Variants in DDB1 observed in about 807,000 individuals in gnomAD.
DDB1 encodes the protein damage specific DNA binding protein 1, also known as DNA damage-binding protein 1.
DDB1 carries 18 observed loss-of-function variants against 133.1 expected under a neutral mutation model. The ratio of observed to expected loss-of-function variants is 0.14; its 90% CI spans 0.09 to 0.20. The LOEUF is 0.20. Ranked by LOEUF, DDB1 falls within the 10% of genes least tolerant of loss-of-function variation. The pLI is 1.00. For synonymous variants in DDB1, 580 were observed against 550.5 expected, an observed-to-expected ratio of 1.05 and a Z score of -0.75; for missense variants, 828 against 1,459.2, an observed-to-expected ratio of 0.57 and a Z score of 7.05.
Position 61,333,024 on chromosome 11 carries a change from C to T in DDB1, c.-56G>A. 7.0e-7 allele frequency: 1 copy of T among 1,430,998 alleles called. No homozygotes were observed. Among genetic ancestry groups the T allele is most frequent in the Non-Finnish European group, 9.3e-7 (1 of 1,075,842 alleles). The allele number at this position is 1,430,998 out of a possible 1,614,324, so 88.6% of individuals were successfully genotyped here. On this transcript the variant is annotated 5_prime_UTR_variant, in exon 1 of 27. It adds an upstream start codon to the 5' untranslated region. Transcript: ENST00000301764. Reference sequence around the variant, plus strand: ...GAGCGCGACACTAGAAAGAGGGACACAAGCGAAAAGACAGGTGGCCCCCAA... The same window carrying T: ...GAGCGCGACACTAGAAAGAGGGACATAAGCGAAAAGACAGGTGGCCCCCAA...
Position 61,302,245 on chromosome 11 carries a change from T to C in DDB1, c.3215+12A>G. 6.2e-7 allele frequency: 1 copy of C among 1,612,124 alleles called. No individual in the cohort carries two copies. Among genetic ancestry groups the C allele is most frequent in the Non-Finnish European group, 8.5e-7 (1 of 1,178,118 alleles). On this transcript the variant is annotated intron_variant, in intron 25 of 26. Coordinates refer to ENST00000301764, the MANE Select transcript of DDB1 (RefSeq NM_001923.5). ...GTGCTTCCCAGCAAGGGGATGGCTC[T>C]GGGAAGGATATAAGGAGTGCTCGAT...
At chr11:61,325,858 C>T (rs1220106725) in intron 5 of DDB1, 150 bp from the exon 6 acceptor site, 2 of 703,782 alleles carry the variant, frequency 2.8e-6, no homozygotes, top group Admixed American at 4.1e-5. Context: ...ACATGATAGC[C>T]TTTACGAGAC....
chr11:61,302,767 A>G lies in DDB1; in HGVS notation c.2943-16T>C. 6.2e-7 allele frequency: 1 copy of G among 1,613,976 alleles called. No homozygotes were observed. Among genetic ancestry groups the G allele is most frequent in the Non-Finnish European group, 8.5e-7 (1 of 1,179,896 alleles). ...GGTGGCAGCGCTGAAAGGCGGTAAG[A>G]AAGTCACTTTCTGAACCTCCTGTTT... On this transcript the variant is annotated splice_polypyrimidine_tract_variant and intron_variant, in intron 23 of 26. Transcript: ENST00000301764.
intron 23 of DDB1, 85 bp from the exon 24 acceptor site, chr11:61,302,836 G>A (rs1281172589): frequency 6.5e-7 from 1 of 1,545,424 alleles, no homozygotes; most frequent in African/African-American, 1.4e-5. Flanking sequence ...TGGTCACGGT[G>A]CTCAATTTCC....
intron 16 of DDB1, among the ~76,000 whole-genome samples, chr11:61,313,083 G>A (rs2134910611): frequency 6.6e-6 from 1 of 152,364 alleles, no homozygotes; most frequent in South Asian, 2.1e-4. Flanking sequence ...AAAGTGCCGG[G>A]ACTACAGGTG....
rs1259040708 is a variant in DDB1, at chr11:61,300,133, T to C, written c.*3A>G. ...GGTCAGCAAAGGGGCCCCCTGCCCT[T>C]GGCTAATGGATCCGAGTTAGCTCCT... On this transcript the variant is annotated 3_prime_UTR_variant, in exon 27 of 27. Transcript: ENST00000301764. The C allele has an allele frequency of 6.2e-7, 1 of 1,614,032 alleles. No homozygotes were observed. Among genetic ancestry groups the C allele is most frequent in the Non-Finnish European group, 8.5e-7 (1 of 1,180,000 alleles).
Position 61,324,145 on chromosome 11 carries a change from T to G in DDB1, c.763-8A>C, listed in dbSNP as rs1226606639. On this transcript the variant is annotated splice_polypyrimidine_tract_variant and splice_region_variant and intron_variant, in intron 6 of 26. Transcript: ENST00000301764. ...GCACACAATCGTGCTTTGCTGCCAATTGGAAGGAAACAGTCATTAGAGATT... is the reference window on the plus strand; with the variant it reads ...GCACACAATCGTGCTTTGCTGCCAAGTGGAAGGAAACAGTCATTAGAGATT... 6.2e-7 allele frequency: 1 copy of G among 1,613,932 alleles called. No individual in the cohort carries two copies. The highest frequency in any genetic ancestry group is 1.7e-4 in the Middle Eastern group (1 of 6,018).
intron 21 of DDB1, among the ~76,000 whole-genome samples, chr11:61,304,406 G>A (rs1414650185): frequency 6.6e-6 from 1 of 151,972 alleles, no homozygotes; most frequent in East Asian, 1.9e-4. Flanking sequence ...AGGTTGCAGT[G>A]AGCTGAGCTG....
chr11:61,308,032 T>C (rs1855904885), intron 21 of DDB1, among the ~76,000 whole-genome samples: 1 of 152,196 alleles, frequency 6.6e-6, no homozygotes, highest in Non-Finnish European at 1.5e-5. Flanking sequence ...CCCTACAGTC[T>C]TTCCAGAGAA....
chr11:61,302,291 C>G lies in DDB1; in HGVS notation c.3181G>C (p.Val1061Leu), dbSNP rs1278949394. 1.2e-6 allele frequency: 2 copies of G among 1,614,172 alleles called. No individual in the cohort carries two copies. Among genetic ancestry groups the G allele is most frequent in the Non-Finnish European group, 1.7e-6 (2 of 1,180,018 alleles). ...LLDMQNRLNK[V>L]IKSVGKIEHS... Reference sequence around the variant, plus strand: ...TCGATCTTCCCCACACTTTTGATGACTTTATTGAGTCGATTCTGCATGTCC... The same window carrying G: ...TCGATCTTCCCCACACTTTTGATGAGTTTATTGAGTCGATTCTGCATGTCC... Residue 1061 changes from valine to leucine, a missense_variant, in exon 25 of 27, where the codon GTC becomes CTC. Val to Leu is a conservative substitution (Grantham distance 32). This residue lies in a region of DDB1 where 116 missense variants were observed against 221.6 expected (regional missense o/e 0.52). Coordinates refer to ENST00000301764, the MANE Select transcript of DDB1 (RefSeq NM_001923.5).
At chr11:61,316,135 A>C (rs1388139440) in intron 12 of DDB1, 150 bp downstream of exon 12, 1 of 675,098 alleles carries the variant, frequency 1.5e-6, no homozygotes, top group African/African-American at 1.8e-5. Flanking sequence ...GTGATCTCTG[A>C]GTAGTGGATT....
chr11:61,317,167 G>A (rs904448885), intron 10 of DDB1, among the ~76,000 whole-genome samples: 16 of 151,650 alleles, frequency 1.1e-4, no homozygotes, highest in South Asian at 2.1e-4. Flanking sequence ...AGGCTGGAGT[G>A]CAGTGGCCCG....
intron 16 of DDB1, among the ~76,000 whole-genome samples, chr11:61,313,108 C>CA (rs1255331825): frequency 8.5e-5 from 13 of 152,212 alleles, no homozygotes; most frequent in African/African-American, 3.1e-4. Context: ...CCACCATGCC[C>CA]AGCCAGAGAA....
chr11:61,329,708 G>A (rs1590701375), intron 3 of DDB1, 124 bp from the exon 4 acceptor site: 1 of 898,890 alleles, frequency 1.1e-6, no homozygotes, highest in Non-Finnish European at 1.7e-6. Context: ...TATTTGATAG[G>A]CCAAATAGTT....
chr11:61,311,879 C>T lies in DDB1; in HGVS notation c.2182G>A (p.Glu728Lys). The T allele has an allele frequency of 1.9e-6, 3 of 1,614,218 alleles. No individual in the cohort carries two copies. The highest frequency in any genetic ancestry group is 2.5e-6 in the Non-Finnish European group (3 of 1,180,030). The change falls in exon 18 of 27, where the codon GAA becomes AAA. Residue 728 changes from glutamate (E) to lysine (K), a missense_variant. Transcript: ENST00000301764. ...AGGACCCCGAAACACTGGGACACTT[C>T]CTGGTAGCAGATCTTCCTGCAGAAC... The part of the protein sequence containing the change: ...YESPRKICYQ[E>K]VSQCFGVLSS...
chr11:61,329,236 A>G (rs1032779524), intron 4 of DDB1, 127 bp downstream of exon 4: 5 of 890,038 alleles, frequency 5.6e-6, no homozygotes, highest in Admixed American at 1.9e-5. Flanking sequence ...GTGTTGTTCA[A>G]AACATTTCAG....
intron 10 of DDB1, among the ~76,000 whole-genome samples, chr11:61,320,080 T>C (rs540844388): frequency 6.6e-6 from 1 of 152,362 alleles, no homozygotes; most frequent in South Asian, 2.1e-4. Context: ...TTTCAGTACA[T>C]TACTTTTACA....
chr11:61,305,488 AGAGT>A (rs1370153679), intron 21 of DDB1, among the ~76,000 whole-genome samples: 1 of 152,236 alleles, frequency 6.6e-6, no homozygotes, highest in Non-Finnish European at 1.5e-5. Context: ...GCGTGGCGAC[AGAGT>A]GAGACTCCAT....
chr11:61,303,652 C>T (rs772436719), intron 22 of DDB1, among the ~76,000 whole-genome samples: 8 of 139,466 alleles, frequency 5.7e-5, no homozygotes, highest in Non-Finnish European at 3.0e-5. Flanking sequence ...TGCAGTAAGC[C>T]GAGATCGCAC....
Sources: allele counts gnomAD v4.1 joint callset (sites outside exome capture counted in the v4.1 genomes callset), GRCh38; gene constraint gnomAD v4.1.1; regional missense constraint gnomAD v4.1.1; transcripts MANE v1.5; gene names NCBI Gene and HGNC (gene_info 2026-07-23, HGNC 2026-07-21).